Variants in TMCC1 observed in about 807,000 individuals in gnomAD.
The protein encoded by TMCC1 is transmembrane and coiled-coil domain family 1, also known as transmembrane and coiled-coil domains protein 1.
TMCC1 carries 15 observed loss-of-function variants against 52.4 expected under a neutral mutation model. The observed-to-expected ratio is 0.29, with a 90% confidence interval of 0.19 to 0.44. TMCC1 has a LOEUF of 0.44. TMCC1 is among the 20% of genes least tolerant of loss of function. The probability of loss-of-function intolerance (pLI) is 1.00; values close to 1 mark genes in which losing one functional copy is unlikely to be tolerated. For missense variants in TMCC1, 503 were observed against 806.0 expected (o/e 0.62, Z 4.55); for synonymous variants, 279 against 301.9 (o/e 0.92, Z 0.79).
At chr3:129,685,402 TTA>T (rs1011632773) in intron 4 of TMCC1, among the ~76,000 whole-genome samples, 3 of 145,692 alleles carry the variant, frequency 2.1e-5, no homozygotes, top group African/African-American at 5.3e-5. Flanking sequence ...AAAATTAAAT[TTA>T]AAAAAAAAAA....
chr3:129,749,614 A>C (rs1317710091), intron 4 of TMCC1, among the ~76,000 whole-genome samples: 1 of 152,174 alleles, frequency 6.6e-6, no homozygotes, highest in Non-Finnish European at 1.5e-5. Flanking sequence ...ATTTTGGTTA[A>C]TTCTGAATTT....
chr3:129,683,292 C>G (rs1045614380), intron 4 of TMCC1, among the ~76,000 whole-genome samples: 8 of 152,202 alleles, frequency 5.3e-5, no homozygotes, highest in Non-Finnish European at 1.0e-4. Context: ...TATGAGTATT[C>G]CAAGACTAGA....
At chr3:129,720,848 C>A (rs190954029) in intron 4 of TMCC1, among the ~76,000 whole-genome samples, 1 of 152,220 alleles carries the variant, frequency 6.6e-6, no homozygotes, top group Non-Finnish European at 1.5e-5. Flanking sequence ...GCACACACCA[C>A]CATGCCTGGC....
intron 2 of TMCC1, among the ~76,000 whole-genome samples, chr3:129,835,545 A>G (rs535553966): frequency 6.6e-6 from 1 of 152,194 alleles, no homozygotes; most frequent in Non-Finnish European, 1.5e-5. Flanking sequence ...GAACAAAAAT[A>G]CATAATCAAG....
chr3:129,655,570 G>A (rs528686399), intron 5 of TMCC1, among the ~76,000 whole-genome samples: 1 of 152,300 alleles, frequency 6.6e-6, no homozygotes, highest in Non-Finnish European at 1.5e-5. Flanking sequence ...CAGAGCCCTA[G>A]AATGCCAGAG....
At chr3:129,748,622 TTAAC>T (rs1343661779) in intron 4 of TMCC1, among the ~76,000 whole-genome samples, 1 of 152,092 alleles carries the variant, frequency 6.6e-6, no homozygotes, top group Non-Finnish European at 1.5e-5. Flanking sequence ...AGGAAGCTAA[TTAAC>T]TTTTAGGTAC....
At chr3:129,653,739 G>A (rs111274464) in intron 6 of TMCC1, among the ~76,000 whole-genome samples, 1 of 152,164 alleles carries the variant, frequency 6.6e-6, no homozygotes, top group Non-Finnish European at 1.5e-5. Flanking sequence ...GCGCCACCAT[G>A]CCCGGCCTGT....
chr3:129,735,051 G>A (rs1169803494), intron 4 of TMCC1, among the ~76,000 whole-genome samples: 6 of 151,788 alleles, frequency 4.0e-5, no homozygotes, highest in East Asian at 2.0e-4. Flanking sequence ...ACAGGCGCCC[G>A]CCACCACGCC....
chr3:129,744,443 G>A (rs959748092), intron 4 of TMCC1, among the ~76,000 whole-genome samples: 8 of 151,664 alleles, frequency 5.3e-5, no homozygotes, highest in South Asian at 2.1e-4. Flanking sequence ...GTGAGGCACC[G>A]CACCCAGCCT....
At chr3:129,682,937 C>T (rs1342377763) in intron 4 of TMCC1, among the ~76,000 whole-genome samples, 2 of 152,190 alleles carry the variant, frequency 1.3e-5, no homozygotes, top group Non-Finnish European at 2.9e-5. Context: ...CCGGGTTCAA[C>T]TGATTCTCCT....
chr3:129,870,278 T>C (rs1181515920), intron 2 of TMCC1, among the ~76,000 whole-genome samples: 1 of 152,096 alleles, frequency 6.6e-6, no homozygotes, highest in Non-Finnish European at 1.5e-5. Context: ...GAAACTAAAG[T>C]CATCAAGACA....
chr3:129,843,203 C>A (rs931176196), intron 2 of TMCC1, among the ~76,000 whole-genome samples: 1 of 151,820 alleles, frequency 6.6e-6, no homozygotes, highest in Admixed American at 6.6e-5. Flanking sequence ...AAAAATTAGC[C>A]GGGCGTGGTG....
chr3:129,698,786 A>G (rs1017209325), intron 4 of TMCC1, among the ~76,000 whole-genome samples: 3 of 152,236 alleles, frequency 2.0e-5, no homozygotes, highest in Admixed American at 6.5e-5. Context: ...GTAAACAACA[A>G]TAAAGAATAC....
chr3:129,797,015 A>T (rs2056874264), intron 4 of TMCC1, among the ~76,000 whole-genome samples: 1 of 152,174 alleles, frequency 6.6e-6, no homozygotes, highest in Non-Finnish European at 1.5e-5. Flanking sequence ...AATAGGATCT[A>T]AAATTTTACC....
At chr3:129,854,180 TC>T (rs1475050689) in intron 2 of TMCC1, among the ~76,000 whole-genome samples, 1 of 151,906 alleles carries the variant, frequency 6.6e-6, no homozygotes, top group Non-Finnish European at 1.5e-5. Context: ...TCACTTGAGG[TC>T]CTGAGTTCGA....
intron 6 of TMCC1, among the ~76,000 whole-genome samples, chr3:129,654,588 A>G (rs1233449954): frequency 6.6e-6 from 1 of 152,202 alleles, no homozygotes; most frequent in African/African-American, 2.4e-5. Flanking sequence ...CAATGTGCCT[A>G]TATGAGATTT....
intron 4 of TMCC1, chr3:129,794,277 G>T (rs979455050): frequency 3.3e-5 from 15 of 456,032 alleles, no homozygotes; most frequent in Non-Finnish European, 6.2e-5. Flanking sequence ...CCATGCTGAA[G>T]CAAGTGAGAG....
At chr3:129,780,888 T>C (rs1052033392) in intron 4 of TMCC1, among the ~76,000 whole-genome samples, 1 of 152,156 alleles carries the variant, frequency 6.6e-6, no homozygotes, top group Non-Finnish European at 1.5e-5. Context: ...TCCAGTATGA[T>C]AGCCACTAAC....
intron 5 of TMCC1, among the ~76,000 whole-genome samples, chr3:129,658,425 C>G (rs752849653): frequency 7.2e-5 from 11 of 152,286 alleles, no homozygotes; most frequent in South Asian, 4.1e-4. Context: ...CAATATTTCC[C>G]ATTTATGATG....
Sources: gnomAD v4.1 joint callset for allele counts (sites outside exome capture counted in the v4.1 genomes callset) on GRCh38, gnomAD v4.1.1 for gene constraint, MANE v1.5 for transcripts, NCBI Gene and HGNC (gene_info 2026-07-23, HGNC 2026-07-21) for gene names.